GPR55: variants seen among roughly 807,000 people sequenced by gnomAD.
GPR55 encodes G-protein coupled receptor 55.
A neutral mutation model predicts 7.9 loss-of-function variants in GPR55; 6 were observed. That is an observed-to-expected ratio of 0.76 (90% CI 0.41 to 1.49). The LOEUF is 1.49. Among genes scored for constraint, GPR55 ranks in the 40% most tolerant of loss-of-function variants. The pLI is 0.01. For missense variants in GPR55, 376 were observed against 406.0 expected (o/e 0.93, Z 0.63); for synonymous variants, 183 against 166.8 (o/e 1.10, Z -0.75).
intron 1 of GPR55, among the ~76,000 whole-genome samples, chr2:230,948,637 T>G (rs1307090592): frequency 6.6e-6 from 1 of 152,228 alleles, no homozygotes; most frequent in East Asian, 1.9e-4. Flanking sequence ...TAGATATTCC[T>G]TCCATGCCAG....
intron 1 of GPR55, among the ~76,000 whole-genome samples, chr2:230,960,267 A>G (rs569030654): frequency 7.6e-4 from 116 of 152,332 alleles, no homozygotes; most frequent in Middle Eastern, 3.4e-3. Context: ...ACAGGAAACA[A>G]CTTTTTAGAC....
Position 230,959,389 on chromosome 2 carries a change from C to T in GPR55, c.-135+1386G>A, listed in dbSNP as rs137953968. On this transcript the variant is annotated intron_variant, in intron 1 of 1. Transcript: ENST00000392039. ...CCTGAGCCCAGGGAGGTCAAGGCTG[C>T]AGTGAGCTGTGATTGCGCCACTGCA... is the stretch of plus-strand genomic sequence containing the variant. Among the ~76,000 whole-genome samples, 915 of 152,150 alleles carry T rather than the reference C, an allele frequency of 6.0e-3. 12 individuals are homozygous for T. Among genetic ancestry groups the T allele is most frequent in the African/African-American group, 0.02 (842 of 41,480 alleles).
intron 1 of GPR55, among the ~76,000 whole-genome samples, chr2:230,953,445 G>A (rs1041590425): frequency 1.3e-5 from 2 of 152,148 alleles, no homozygotes; most frequent in East Asian, 1.9e-4. Flanking sequence ...GGAAGAAGGG[G>A]CCATGAGCCA....
At chr2:230,933,057 C>T (rs1179638360) in intron 1 of GPR55, among the ~76,000 whole-genome samples, 1 of 152,130 alleles carries the variant, frequency 6.6e-6, no homozygotes, top group African/African-American at 2.4e-5. Flanking sequence ...TGCTTCCAGC[C>T]CACTCCTTTC....
intron 1 of GPR55, among the ~76,000 whole-genome samples, chr2:230,939,167 C>T (rs902000807): frequency 3.9e-5 from 6 of 152,238 alleles, no homozygotes; most frequent in African/African-American, 1.2e-4. Context: ...AAGAGCTCAG[C>T]TTTGCCCCCA....
chr2:230,927,730 G>T (rs1462067442), upstream of GPR55, among the ~76,000 whole-genome samples: 6 of 152,264 alleles, frequency 3.9e-5, no homozygotes, highest in Non-Finnish European at 8.8e-5. Context: ...TCTAGGGCAA[G>T]GAACAAGTGA....
intron 1 of GPR55, among the ~76,000 whole-genome samples, chr2:230,932,455 T>A (rs1691062941): frequency 6.6e-6 from 1 of 152,198 alleles, no homozygotes; most frequent in Non-Finnish European, 1.5e-5. Flanking sequence ...ATAATGCACA[T>A]AACGTTACAT....
At chr2:230,942,978 C>G (rs1691256537) in intron 1 of GPR55, among the ~76,000 whole-genome samples, 1 of 151,552 alleles carries the variant, frequency 6.6e-6, no homozygotes, top group Non-Finnish European at 1.5e-5. Context: ...GCTTCTGTTC[C>G]CCTAGGATTT....
In GPR55 at chr2:230,924,867, G is replaced by A. The variant is rs892567354; in HGVS notation, c.-135+301C>T. Among the ~76,000 whole-genome samples the A allele has an allele frequency of 1.3e-4, 20 of 152,240 alleles. No individual in the cohort carries two copies. The highest frequency in any genetic ancestry group is 9.2e-4 in the Admixed American group (14 of 15,300). ...CAGGCTGCCTATGGGGAGGTTTCCC[G>A]ACCCGACATGATGCTGCAACCCTGA... is the stretch of plus-strand genomic sequence containing the variant. On this transcript the variant is annotated intron_variant, in intron 1 of 1. Coordinates refer to ENST00000650999, the MANE Select transcript of GPR55 (RefSeq NM_005683.4). The surrounding 1 kb of genome is among the most constrained non-coding windows in gnomAD (Gnocchi z 4.5).
intron 1 of GPR55, among the ~76,000 whole-genome samples, chr2:230,956,856 C>A (rs2125072129): frequency 6.6e-6 from 1 of 152,068 alleles, no homozygotes; most frequent in East Asian, 1.9e-4. Context: ...TCTTGGAGAG[C>A]CTAACGGACT....
At chr2:230,949,413 T>C (rs538056677) in intron 1 of GPR55, among the ~76,000 whole-genome samples, 6 of 152,324 alleles carry the variant, frequency 3.9e-5, no homozygotes, top group African/African-American at 1.4e-4. Flanking sequence ...CTGCCCGCGT[T>C]GGCCTCCCAA....
At chr2:230,936,230 A>T (rs1691129432) in intron 1 of GPR55, among the ~76,000 whole-genome samples, 1 of 152,182 alleles carries the variant, frequency 6.6e-6, no homozygotes, top group Non-Finnish European at 1.5e-5. Context: ...GAGGAAACCA[A>T]GAACACTGGT....
chr2:230,949,785 C>T (rs1054909363), intron 1 of GPR55, among the ~76,000 whole-genome samples: 6 of 152,096 alleles, frequency 3.9e-5, no homozygotes, highest in African/African-American at 1.5e-4. Flanking sequence ...TAAAGCCCAG[C>T]ATCACAGAGA....
At chr2:230,913,615 G>A (rs1690642491) in intron 1 of GPR55, among the ~76,000 whole-genome samples, 1 of 151,544 alleles carries the variant, frequency 6.6e-6, no homozygotes, top group Non-Finnish European at 1.5e-5. Flanking sequence ...TGCCTCCTAG[G>A]GGTGTGTAGG....
chr2:230,946,395 CTG>C (rs1199725538), intron 1 of GPR55, among the ~76,000 whole-genome samples: 2 of 152,182 alleles, frequency 1.3e-5, no homozygotes, highest in Non-Finnish European at 2.9e-5. Context: ...AAAAAGATAA[CTG>C]TGTGATCGAT....
At chr2:230,945,267 A>G (rs1691293540) in intron 1 of GPR55, among the ~76,000 whole-genome samples, 1 of 152,130 alleles carries the variant, frequency 6.6e-6, no homozygotes, top group Non-Finnish European at 1.5e-5. Flanking sequence ...AAAGAGGCTG[A>G]GAGAGGACTG....
At chr2:230,920,652 A>G (rs1033967678) in intron 1 of GPR55, among the ~76,000 whole-genome samples, 2 of 152,236 alleles carry the variant, frequency 1.3e-5, no homozygotes, top group East Asian at 1.9e-4. Context: ...TTAAAATATA[A>G]TTCCCCCAAA....
intron 1 of GPR55, among the ~76,000 whole-genome samples, chr2:230,920,099 T>TGTGTGC (rs948356756): frequency 1.1e-4 from 16 of 151,474 alleles, no homozygotes; most frequent in African/African-American, 3.9e-4. Context: ...CTTTTGTGTG[T>TGTGTGC]GTGTGTGTGT....
At chr2:230,940,892 G>A (rs1178017414) in intron 1 of GPR55, among the ~76,000 whole-genome samples, 1 of 152,176 alleles carries the variant, frequency 6.6e-6, no homozygotes, top group Non-Finnish European at 1.5e-5. Context: ...CAAGGCGGGT[G>A]GATTGCCTGA....
Sources: allele counts gnomAD v4.1 joint callset (sites outside exome capture counted in the v4.1 genomes callset), GRCh38; gene constraint gnomAD v4.1.1; non-coding constraint Gnocchi (gnomAD v3.1); transcripts MANE v1.5; gene names NCBI Gene and HGNC (gene_info 2026-07-23, HGNC 2026-07-21).